SMG6: variants seen among roughly 807,000 people sequenced by gnomAD.
SMG6 encodes SMG6 nonsense mediated mRNA decay factor, also known as telomerase-binding protein EST1A.
SMG6 carries 66 observed loss-of-function variants against 142.2 expected under a neutral mutation model. The observed-to-expected ratio is 0.46, with a 90% CI of 0.38 to 0.57. The LOEUF (loss-of-function observed/expected upper bound fraction) is 0.57. Among genes scored for constraint, SMG6 ranks in the 20% least tolerant of loss-of-function variants. The probability of loss-of-function intolerance (pLI) is 0.00; values close to 1 mark genes in which losing one functional copy is unlikely to be tolerated. For synonymous variants in SMG6, 779 were observed against 702.4 expected (o/e 1.11, Z -1.72); for missense variants, 1,793 against 1,832.0 (o/e 0.98, Z 0.39).
chr17:2,069,539 C>T (rs531341356), intron 15 of SMG6, among the ~76,000 whole-genome samples: 56 of 151,490 alleles, frequency 3.7e-4, no homozygotes, highest in Non-Finnish European at 7.2e-4. Context: ...GAGGCTGCAG[C>T]GAGCCGAGAT....
intron 8 of SMG6, among the ~76,000 whole-genome samples, chr17:2,276,077 G>A (rs1347091663): frequency 6.6e-6 from 1 of 152,118 alleles, no homozygotes; most frequent in East Asian, 1.9e-4. Context: ...GTTGTCAAAG[G>A]AACAATTCCA....
chr17:2,262,924 G>A (rs2074347940), intron 8 of SMG6, among the ~76,000 whole-genome samples: 1 of 152,044 alleles, frequency 6.6e-6, no homozygotes, highest in African/African-American at 2.4e-5. Flanking sequence ...AGGTTTTACA[G>A]CAAAATGGGC....
At chr17:2,283,535 G>A (rs912267228) in intron 7 of SMG6, 90 bp downstream of exon 7, 20 of 1,030,734 alleles carry the variant, frequency 1.9e-5, no homozygotes, top group Middle Eastern at 2.9e-4. Context: ...CACTGGCTAC[G>A]ATCCTGCCGG....
chr17:2,224,727 C>G (rs1411152160), intron 10 of SMG6, among the ~76,000 whole-genome samples: 2 of 152,002 alleles, frequency 1.3e-5, no homozygotes, highest in Admixed American at 1.3e-4. Context: ...AACCAACCAA[C>G]CAACCAACCA....
intron 10 of SMG6, among the ~76,000 whole-genome samples, chr17:2,216,542 T>C (rs2073025747): frequency 6.6e-6 from 1 of 152,206 alleles, no homozygotes; most frequent in Non-Finnish European, 1.5e-5. Context: ...CTATAAGACA[T>C]AATTTTTTTA....
At chr17:2,287,446 T>C (rs968543293) in intron 6 of SMG6, among the ~76,000 whole-genome samples, 3 of 152,324 alleles carry the variant, frequency 2.0e-5, no homozygotes, top group Non-Finnish European at 4.4e-5. Context: ...ATGCTGTTGG[T>C]TGGAATGTAA....
intron 13 of SMG6, among the ~76,000 whole-genome samples, chr17:2,104,444 CCT>C (rs940407415): frequency 1.3e-5 from 2 of 152,128 alleles, no homozygotes; most frequent in Non-Finnish European, 2.9e-5. Context: ...GAAAAGAAGT[CCT>C]CACAAGTGAC....
chr17:2,106,392 T>C (rs1299921189), intron 13 of SMG6, among the ~76,000 whole-genome samples: 2 of 151,400 alleles, frequency 1.3e-5, no homozygotes, highest in Non-Finnish European at 2.9e-5. Flanking sequence ...GGGAGGGGGG[T>C]CTCTCAAGGG....
chr17:2,238,218 T>C (rs2151810279), intron 9 of SMG6, among the ~76,000 whole-genome samples: 1 of 152,352 alleles, frequency 6.6e-6, no homozygotes, highest in East Asian at 1.9e-4. Context: ...GCCACAGTTA[T>C]GGGTCAATTA....
chr17:2,198,863 T>C (rs1440926030), intron 10 of SMG6, among the ~76,000 whole-genome samples: 1 of 149,388 alleles, frequency 6.7e-6, no homozygotes, highest in East Asian at 2.0e-4. Flanking sequence ...CTGCCTGGCC[T>C]GAGCTGGTGG....
intron 10 of SMG6, among the ~76,000 whole-genome samples, chr17:2,218,537 C>A (rs1015283640): frequency 1.3e-5 from 2 of 152,114 alleles, no homozygotes; most frequent in African/African-American, 4.8e-5. Flanking sequence ...CAGACCGAGA[C>A]TCCGTCTCAA....
At chr17:2,081,986 G>C (rs1453545963) in intron 14 of SMG6, 30 bp from the exon 15 acceptor site, 7 of 1,613,236 alleles carry the variant, frequency 4.3e-6, no homozygotes, top group Non-Finnish European at 5.9e-6. Flanking sequence ...CCAGGACAAA[G>C]AGGAGACAGT....
Position 2,300,275 on chromosome 17 carries a change from C to T in SMG6, c.478G>A (p.Ala160Thr), listed in dbSNP as rs534508150. ...RRLQTVSKES[A>T]SRVEEEEVLN... ...ACTTCTTCCTCCTCCACCCGACTGG[C>T]GGATTCTTTGCTAACAGTCTGCAAA... The change falls in exon 2 of 19, where the codon GCC becomes ACC. Residue 160 changes from alanine (A) to threonine (T), a missense_variant. Around this residue, in one of 3 missense-constraint regions of SMG6, gnomAD observed 1,597 missense variants for 1,584.6 expected, o/e 1.01. Transcript: ENST00000263073. 42 of 1,614,160 alleles carry T rather than the reference C, an allele frequency of 2.6e-5. No individual in the cohort carries two copies. The highest frequency in any genetic ancestry group is 2.0e-4 in the African/African-American group (15 of 75,058).
chr17:2,185,161 G>T (rs1425070680), intron 12 of SMG6, among the ~76,000 whole-genome samples: 1 of 151,906 alleles, frequency 6.6e-6, no homozygotes, highest in Non-Finnish European at 1.5e-5. Flanking sequence ...AACACATACA[G>T]ATAACAACAC....
chr17:2,098,194 T>C (rs1483635230), intron 13 of SMG6, among the ~76,000 whole-genome samples: 2 of 152,132 alleles, frequency 1.3e-5, no homozygotes, highest in African/African-American at 4.8e-5. Flanking sequence ...ATTGCCCCAG[T>C]TGGTCTTGAA....
chr17:2,303,568 C>CA (rs2075339084), intron 1 of SMG6, 65 bp downstream of exon 1: 7 of 1,364,360 alleles, frequency 5.1e-6, no homozygotes, highest in Non-Finnish European at 6.6e-6. Context: ...GGGGAGGAGG[C>CA]AGAGGAGGAG....
chr17:2,121,646 T>TGTGTGTGTGTGTGTGTGG, intron 13 of SMG6, among the ~76,000 whole-genome samples: 1 of 104,310 alleles, frequency 9.6e-6, no homozygotes, highest in African/African-American at 3.5e-5. Flanking sequence ...TGTGTGTGTG[T>TGTGTGTGTGTGTGTGTGG]AGAGAGAGAG....
intron 13 of SMG6, among the ~76,000 whole-genome samples, chr17:2,134,355 T>C (rs1379662680): frequency 7.4e-6 from 1 of 134,766 alleles, no homozygotes; most frequent in Non-Finnish European, 1.5e-5. Flanking sequence ...GAGGCGAAGG[T>C]TGCAGTGAGC....
chr17:2,232,686 A>C (rs7212249), intron 10 of SMG6: 1 of 152,066 alleles, frequency 6.6e-6, no homozygotes, highest in African/African-American at 2.4e-5. Context: ...ATAGGGCCCA[A>C]CCGAGAGGAG....
Sources: gnomAD v4.1 joint callset for allele counts (sites outside exome capture counted in the v4.1 genomes callset) on GRCh38, gnomAD v4.1.1 for gene constraint, gnomAD v4.1.1 regional missense constraint, MANE v1.5 for transcripts, NCBI Gene and HGNC (gene_info 2026-07-23, HGNC 2026-07-21) for gene names.